Variants in PCDHGB6 observed in about 807,000 individuals in gnomAD.
The protein encoded by PCDHGB6 is protocadherin gamma-B6.
In PCDHGB6, 51 loss-of-function variants were observed where a neutral mutation model predicts 59.1. The observed-to-expected ratio is 0.86, with a 90% confidence interval of 0.69 to 1.09. PCDHGB6 has a LOEUF of 1.09. PCDHGB6 is among the 50% of genes least tolerant of loss of function. The probability of loss-of-function intolerance (pLI) is 0.00; values close to 1 mark genes in which losing one functional copy is unlikely to be tolerated. For synonymous variants in PCDHGB6, 466 were observed against 495.1 expected (o/e 0.94, Z 0.78); for missense variants, 1,148 against 1,205.1 (o/e 0.95, Z 0.70).
intron 2 of PCDHGB6, among the ~76,000 whole-genome samples, chr5:141,501,719 T>C (rs1024307894): frequency 6.6e-6 from 1 of 152,028 alleles, no homozygotes; most frequent in African/African-American, 2.4e-5. Context: ...AAAAGACAAA[T>C]ATATTACCCA....
Position 141,485,092 on chromosome 5 carries a change from G to C in PCDHGB6, c.2419-9715G>C, listed in dbSNP as rs2099606725. 3.8e-6 allele frequency: 4 copies of C among 1,065,492 alleles called. No homozygotes were observed. Among genetic ancestry groups the C allele is most frequent in the Non-Finnish European group, 5.6e-6 (4 of 708,358 alleles). The allele number at this position is 1,065,492 out of a possible 1,614,324, so 66.0% of individuals were successfully genotyped here. A position where few individuals can be genotyped will look rare whatever the true frequency, so the allele number is the denominator to read the frequency against. Reference sequence around the variant, plus strand: ...CTGGCGCGGGGAAAGGGAGATAGGTGTCTCCAGCTGCTGTGGCTGTTTGGG... The same window carrying C: ...CTGGCGCGGGGAAAGGGAGATAGGTCTCTCCAGCTGCTGTGGCTGTTTGGG... On this transcript the variant is annotated intron_variant, in intron 1 of 3. Coordinates refer to ENST00000520790, the MANE Select transcript of PCDHGB6 (RefSeq NM_018926.3). This position sits in a 1 kb window ranked among gnomAD's most constrained non-coding sequence, Gnocchi z 5.7.
At chr5:141,414,198 A>G (rs1561747621) in intron 1 of PCDHGB6, 2 of 1,611,542 alleles carry the variant, frequency 1.2e-6, no homozygotes, top group Non-Finnish European at 1.7e-6. Flanking sequence ...TGATTACAGT[A>G]GAAGATGTAA....
At position 141,485,044 on chromosome 5, in the gene PCDHGB6, G is replaced by A; in HGVS notation, c.2419-9763G>A. 2 of 737,674 alleles carry A rather than the reference G, an allele frequency of 2.7e-6. No individual in the cohort carries two copies. The highest frequency in any genetic ancestry group is 1.8e-5 in the African/African-American group (1 of 56,792). The allele number at this position is 737,674 out of a possible 1,614,324, so 45.7% of individuals were successfully genotyped here. A position where few individuals can be genotyped will look rare whatever the true frequency, so the allele number is the denominator to read the frequency against. ...GCAAAAACGGCGCGTAACCCTTGCG[G>A]CGCCGGCCGAACCGCGCCAGAGCTG... On this transcript the variant is annotated intron_variant, in intron 1 of 3. Coordinates refer to ENST00000520790, the MANE Select transcript of PCDHGB6 (RefSeq NM_018926.3). This position sits in a 1 kb window ranked among gnomAD's most constrained non-coding sequence, Gnocchi z 5.7.
chr5:141,448,948 AAAAC>A (rs1237948751), intron 1 of PCDHGB6, among the ~76,000 whole-genome samples: 14 of 152,170 alleles, frequency 9.2e-5, no homozygotes, highest in African/African-American at 9.7e-5. Flanking sequence ...GCAACTCAAA[AAAAC>A]AAACAAACAA....
At chr5:141,421,926 C>A in intron 1 of PCDHGB6, 1 of 1,613,460 alleles carries the variant, frequency 6.2e-7, no homozygotes, top group Non-Finnish European at 8.5e-7. Flanking sequence ...GTGTGGTGGT[C>A]CTCGATGTAA....
chr5:141,485,895 C>G lies in PCDHGB6; in HGVS notation c.2419-8912C>G, dbSNP rs1243568042. On this transcript the variant is annotated intron_variant, in intron 1 of 3. Coordinates refer to ENST00000520790, the MANE Select transcript of PCDHGB6 (RefSeq NM_018926.3). This position sits in a 1 kb window ranked among gnomAD's most constrained non-coding sequence, Gnocchi z 5.7. Reference sequence around the variant, plus strand: ...CTGGACGTAAACGACAACGCCCCAGCCTTCCAGCAATCCAGCTACAGGATT... The same window carrying G: ...CTGGACGTAAACGACAACGCCCCAGGCTTCCAGCAATCCAGCTACAGGATT... 3 of 1,614,136 alleles carry G rather than the reference C, an allele frequency of 1.9e-6. No individual in the cohort carries two copies. The highest frequency in any genetic ancestry group is 2.5e-6 in the Non-Finnish European group (3 of 1,180,036).
At chr5:141,418,755 G>A (rs1489556538) in intron 1 of PCDHGB6, 8 of 1,613,898 alleles carry the variant, frequency 5.0e-6, no homozygotes, top group South Asian at 1.1e-5. Context: ...TACACTACAG[G>A]AAACATTCTA....
Position 141,464,191 on chromosome 5 carries a change from G to C in PCDHGB6, c.2419-30616G>C, listed in dbSNP as rs185888723. Among the ~76,000 whole-genome samples, 583 of 151,818 alleles carry C rather than the reference G, an allele frequency of 3.8e-3. 6 individuals are homozygous for C. Among genetic ancestry groups the C allele is most frequent in the Admixed American group, 0.011 (166 of 15,202 alleles). On this transcript the variant is annotated intron_variant, in intron 1 of 3. Transcript: ENST00000520790. ...GAGGCAGGAGAATTGCTTGATTTCA[G>C]GAGGCGGAGATTGCAGTGAGCTGAG...
intron 1 of PCDHGB6, chr5:141,427,206 G>C (rs1224325038): frequency 1.1e-5 from 5 of 456,606 alleles, no homozygotes; most frequent in Admixed American, 2.3e-5. Context: ...AATAGACTTC[G>C]AATTTCGTAG....
At chr5:141,419,555 G>A (rs1411289369) in intron 1 of PCDHGB6, 3 of 1,611,876 alleles carry the variant, frequency 1.9e-6, no homozygotes, top group South Asian at 1.1e-5. Context: ...GCTGTACCCT[G>A]CGCTGGGTCC....
Position 141,408,246 on chromosome 5 carries a change from A to C in PCDHGB6, c.44A>C (p.Gln15Pro). 6.3e-7 allele frequency: 1 copy of C among 1,590,754 alleles called. No homozygotes were observed. Among genetic ancestry groups the C allele is most frequent in the Non-Finnish European group, 8.6e-7 (1 of 1,168,224 alleles). Residue 15 changes from glutamine (Q) to proline (P), a missense_variant, in exon 1 of 4, where the codon CAG becomes CCG. Physicochemically the swap from Gln to Pro is moderately conservative, Grantham distance 76 (BLOSUM62 -1). Coordinates refer to ENST00000520790, the MANE Select transcript of PCDHGB6 (RefSeq NM_018926.3). ...CAGAGGCGCCGGGCCGGCCCGCGGC[A>C]GGTGCTATTTCCTTTGCTGCTGCCT... is the stretch of plus-strand genomic sequence containing the variant. ...CAQRRRAGPRQVLFPLLLPLF... is the reference protein window; with the variant it reads ...CAQRRRAGPRPVLFPLLLPLF...
rs374663576 is a variant in PCDHGB6 at position 141,489,905 on chromosome 5, G to A, written c.2419-4902G>A. The A allele has an allele frequency of 2.8e-4, 459 of 1,614,108 alleles. No homozygotes were observed. Among genetic ancestry groups the A allele is most frequent in the Non-Finnish European group, 3.4e-4 (405 of 1,180,054 alleles). On this transcript the variant is annotated intron_variant, in intron 1 of 3. Coordinates refer to ENST00000520790, the MANE Select transcript of PCDHGB6 (RefSeq NM_018926.3). The surrounding 1 kb of genome is among the most constrained non-coding windows in gnomAD (Gnocchi z 4.5). ...GCTGTGGATGGGGGGACCCCAGCCC[G>A]CTCAGGGACCACCCTTATCTCTGTC...
Position 141,494,920 on chromosome 5 carries a change from G to A in PCDHGB6, c.2477+55G>A, listed in dbSNP as rs1329724849. The A allele has an allele frequency of 1.8e-5, 29 of 1,613,680 alleles. No individual in the cohort carries two copies. The East Asian group carries it at 6.5e-4, about 36-fold the overall frequency. On this transcript the variant is annotated intron_variant, in intron 2 of 3. Coordinates refer to ENST00000520790, the MANE Select transcript of PCDHGB6 (RefSeq NM_018926.3). ...TTCTCTGCGGCATTTTCTCAGGGAT[G>A]ACGTGGGAGGAGATGGGGGAGGGCC...
chr5:141,493,346 C>T lies in PCDHGB6; in HGVS notation c.2419-1461C>T, dbSNP rs766845200. Among the ~76,000 whole-genome samples, 5 of 152,172 alleles carry T rather than the reference C, an allele frequency of 3.3e-5. No individual in the cohort carries two copies. Among genetic ancestry groups the T allele is most frequent in the Non-Finnish European group, 7.3e-5 (5 of 68,028 alleles). On this transcript the variant is annotated intron_variant, in intron 1 of 3. Coordinates refer to ENST00000520790, the MANE Select transcript of PCDHGB6 (RefSeq NM_018926.3). The surrounding 1 kb of genome is among the most constrained non-coding windows in gnomAD (Gnocchi z 4.3). Reference sequence around the variant, plus strand: ...CCCCTGTCTAACTCCAGAATGTGTGCTTTTAATTTCTTGGCACTTGGAACT... The same window carrying T: ...CCCCTGTCTAACTCCAGAATGTGTGTTTTTAATTTCTTGGCACTTGGAACT...
At chr5:141,419,273 G>A (rs751868316) in intron 1 of PCDHGB6, 2 of 1,614,034 alleles carry the variant, frequency 1.2e-6, no homozygotes, top group South Asian at 1.1e-5. Flanking sequence ...TGCCTCCATA[G>A]CGCAAGTCAG....
chr5:141,486,425 A>C lies in PCDHGB6; in HGVS notation c.2419-8382A>C. The C allele has an allele frequency of 6.2e-7, 1 of 1,614,228 alleles. No homozygotes were observed. On this transcript the variant is annotated intron_variant, in intron 1 of 3. Transcript: ENST00000520790. This position sits in a 1 kb window ranked among gnomAD's most constrained non-coding sequence, Gnocchi z 5.0. Reference sequence around the variant, plus strand: ...TGCTGGACCCTTGGATCGAGAGGCCAAATCTAGCTATGACATCATGGTCAC... The same window carrying C: ...TGCTGGACCCTTGGATCGAGAGGCCCAATCTAGCTATGACATCATGGTCAC...
Position 141,511,039 on chromosome 5 carries a change from C to T in PCDHGB6, c.2659C>T (p.Pro887Ser). 1 of 1,614,196 alleles carries T rather than the reference C, an allele frequency of 6.2e-7. No homozygotes were observed. ...YGPQFTLQHV[P>S]DYRQNVYIPG... ...ACCCCAGTTCACCCTGCAGCACGTGCCCGACTACCGCCAGAATGTCTACAT... is the reference window on the plus strand; with the variant it reads ...ACCCCAGTTCACCCTGCAGCACGTGTCCGACTACCGCCAGAATGTCTACAT... The change falls in exon 4 of 4, where the codon CCC (proline) becomes TCC (serine). Residue 887 changes from proline (P) to serine (S), a missense_variant. Physicochemically the swap from Pro to Ser is moderately conservative, Grantham distance 74. Around this residue, in one of 5 missense-constraint regions of PCDHGB6, gnomAD observed 283 missense variants for 318.6 expected, o/e 0.89. Coordinates refer to ENST00000520790, the MANE Select transcript of PCDHGB6 (RefSeq NM_018926.3).
chr5:141,439,115 C>A (rs2098087976), intron 1 of PCDHGB6, among the ~76,000 whole-genome samples: 1 of 151,476 alleles, frequency 6.6e-6, no homozygotes, highest in Non-Finnish European at 1.5e-5. Context: ...ATCACTTGAA[C>A]CCGGGAGACA....
At chr5:141,419,523 G>C in intron 1 of PCDHGB6, 1 of 1,612,204 alleles carries the variant, frequency 6.2e-7, no homozygotes, top group Non-Finnish European at 8.5e-7. Flanking sequence ...GTGGGCGACC[G>C]TAACGACAAC....
Sources: gnomAD v4.1 joint callset for allele counts (sites outside exome capture counted in the v4.1 genomes callset) on GRCh38, gnomAD v4.1.1 for gene constraint, gnomAD v4.1.1 regional missense constraint, Gnocchi (gnomAD v3.1) non-coding constraint, MANE v1.5 for transcripts, NCBI Gene and HGNC (gene_info 2026-07-23, HGNC 2026-07-21) for gene names.